The following GPC6 variants were observed in gnomAD, a reference collection of about 807,000 sequenced individuals.
GPC6 encodes glypican-6.
GPC6 carries 14 observed loss-of-function variants against 55.2 expected under a neutral mutation model. The observed-to-expected ratio is 0.25, with a 90% confidence interval of 0.17 to 0.40. The LOEUF (loss-of-function observed/expected upper bound fraction) is 0.40, where lower values mean the gene tolerates loss of function less well. GPC6 is among the 10% of genes least tolerant of loss of function. The pLI, the probability that GPC6 is intolerant of heterozygous loss-of-function variation, is 1.00. For synonymous variants in GPC6, 278 were observed against 259.6 expected (o/e 1.07, Z -0.68); for missense variants, 641 against 708.5 (o/e 0.90, Z 1.08).
chr13:93,905,987 G>T (rs749230948), intron 3 of GPC6, among the ~76,000 whole-genome samples: 3 of 152,180 alleles, frequency 2.0e-5, no homozygotes, highest in Non-Finnish European at 4.4e-5. Flanking sequence ...CTGACTTTGA[G>T]TATCTGTAAC....
chr13:94,014,548 C>T (rs529720569), intron 3 of GPC6, among the ~76,000 whole-genome samples: 4 of 152,210 alleles, frequency 2.6e-5, no homozygotes, highest in African/African-American at 9.6e-5. Flanking sequence ...AAAGTTCACC[C>T]GTTTGTAGAG....
intron 2 of GPC6, among the ~76,000 whole-genome samples, chr13:93,802,875 T>A (rs1432773355): frequency 6.6e-6 from 1 of 152,206 alleles, no homozygotes; most frequent in Non-Finnish European, 1.5e-5. Context: ...TCTGATTTTT[T>A]AATATAAGTT....
chr13:94,259,097 C>A (rs1373186648), intron 4 of GPC6, among the ~76,000 whole-genome samples: 4 of 151,960 alleles, frequency 2.6e-5, no homozygotes, highest in African/African-American at 7.3e-5. Flanking sequence ...ACACTGGAAA[C>A]GGTTCCCAGA....
intron 7 of GPC6, among the ~76,000 whole-genome samples, chr13:94,385,037 C>T (rs1182855677): frequency 1.3e-5 from 2 of 152,016 alleles, no homozygotes; most frequent in Non-Finnish European, 2.9e-5. Flanking sequence ...GTCAGGAGTT[C>T]GAGACCATCC....
At chr13:93,715,996 C>T (rs1359849201) in intron 2 of GPC6, among the ~76,000 whole-genome samples, 1 of 151,456 alleles carries the variant, frequency 6.6e-6, no homozygotes, top group Non-Finnish European at 1.5e-5. Flanking sequence ...AATGGTGGTA[C>T]CATAAGATTA....
chr13:93,761,109 C>A, intron 2 of GPC6, among the ~76,000 whole-genome samples: 1 of 151,970 alleles, frequency 6.6e-6, no homozygotes, highest in Non-Finnish European at 1.5e-5. Flanking sequence ...CTTTTTTTCT[C>A]ATGCCTTTAT....
intron 4 of GPC6, among the ~76,000 whole-genome samples, chr13:94,277,830 G>C (rs886738325): frequency 1.3e-5 from 2 of 152,138 alleles, no homozygotes; most frequent in African/African-American, 4.8e-5. Context: ...TTTCATTACT[G>C]TCACCTTGTA....
Position 94,286,402 on chromosome 13 carries a change from G to A in GPC6, c.931G>A (p.Val311Ile). The A allele has an allele frequency of 6.2e-7, 1 of 1,613,462 alleles. No homozygotes were observed. The highest frequency in any genetic ancestry group is 8.5e-7 in the Non-Finnish European group (1 of 1,179,562). The change falls in exon 5 of 9, where the codon GTC becomes ATC. Residue 311 changes from valine (V) to isoleucine (I), a missense_variant. Transcript: ENST00000377047. Reference sequence around the variant, plus strand: ...GGAGGGGCCATTCAACATTGAGTCGGTCATGGACCCGATAGATGTCAAGAT... The same window carrying A: ...GGAGGGGCCATTCAACATTGAGTCGATCATGGACCCGATAGATGTCAAGAT... The part of the protein sequence containing the change: ...RLEGPFNIES[V>I]MDPIDVKISE...
chr13:93,671,568 G>A (rs1466041029), intron 2 of GPC6, among the ~76,000 whole-genome samples: 1 of 151,968 alleles, frequency 6.6e-6, no homozygotes, highest in Admixed American at 6.6e-5. Context: ...TCACCACCAG[G>A]AAGCCTCTGT....
intron 6 of GPC6, among the ~76,000 whole-genome samples, chr13:94,342,198 A>G (rs1878074670): frequency 6.6e-6 from 1 of 152,224 alleles, no homozygotes; most frequent in South Asian, 2.1e-4. Context: ...TTGGTTATTT[A>G]ATAGAAAGCA....
chr13:93,789,594 ACTAC>A (rs1484982203), intron 2 of GPC6, among the ~76,000 whole-genome samples: 1 of 95,732 alleles, frequency 1.0e-5, no homozygotes, highest in South Asian at 3.5e-4. Flanking sequence ...TATATATAAT[ACTAC>A]ATATATATAT....
intron 1 of GPC6, among the ~76,000 whole-genome samples, chr13:93,453,492 G>A (rs1472389219): frequency 7.1e-6 from 1 of 140,200 alleles, no homozygotes; most frequent in African/African-American, 2.6e-5. Context: ...TATTGTGTCC[G>A]GAATTGGTGG....
At chr13:93,357,516 T>C (rs990861889) in intron 1 of GPC6, among the ~76,000 whole-genome samples, 1 of 152,200 alleles carries the variant, frequency 6.6e-6, no homozygotes, top group African/African-American at 2.4e-5. Flanking sequence ...CACCACATTA[T>C]TCTCTGGGCA....
chr13:93,765,995 C>T (rs939638252), intron 2 of GPC6, among the ~76,000 whole-genome samples: 1 of 152,168 alleles, frequency 6.6e-6, no homozygotes, highest in African/African-American at 2.4e-5. Flanking sequence ...TAAGTTTCAA[C>T]TTTACAGTAG....
intron 4 of GPC6, among the ~76,000 whole-genome samples, chr13:94,049,973 G>T (rs955807566): frequency 8.5e-5 from 13 of 152,140 alleles, no homozygotes; most frequent in African/African-American, 3.1e-4. Flanking sequence ...TTCCCTGTTC[G>T]ATTGGTTCTC....
At chr13:94,372,599 T>C (rs1303884086) in intron 6 of GPC6, among the ~76,000 whole-genome samples, 1 of 151,866 alleles carries the variant, frequency 6.6e-6, no homozygotes, top group South Asian at 2.1e-4. Context: ...AGCACAGCAG[T>C]CTGAGATCAA....
At position 93,931,386 on chromosome 13, in the gene GPC6, C is replaced by T. The variant is rs138882795; in HGVS notation, c.712-96343C>T. ...GGAGCAAAGAGGGAAGGCATGGATT[C>T]GGTTCCAAATAGCATAGTTAGAGGC... On this transcript the variant is annotated intron_variant, in intron 3 of 8. Coordinates refer to ENST00000377047, the MANE Select transcript of GPC6 (RefSeq NM_005708.5). Among the ~76,000 whole-genome samples the T allele has an allele frequency of 3.1e-3, 457 of 146,792 alleles. 3 individuals carry two copies. The highest frequency in any genetic ancestry group is 0.011 in the African/African-American group (441 of 39,540).
At chr13:93,844,184 G>A (rs182929809) in intron 3 of GPC6, among the ~76,000 whole-genome samples, 1 of 152,178 alleles carries the variant, frequency 6.6e-6, no homozygotes, top group East Asian at 1.9e-4. Flanking sequence ...CTGTCACCAG[G>A]CTGGAGTGCA....
At chr13:93,734,391 C>A (rs1883927884) in intron 2 of GPC6, among the ~76,000 whole-genome samples, 1 of 152,054 alleles carries the variant, frequency 6.6e-6, no homozygotes, top group Non-Finnish European at 1.5e-5. Context: ...CATGGTAGAA[C>A]CTGAGCAATC....
Sources: allele counts gnomAD v4.1 joint callset (sites outside exome capture counted in the v4.1 genomes callset), GRCh38; gene constraint gnomAD v4.1.1; transcripts MANE v1.5; gene names NCBI Gene and HGNC (gene_info 2026-07-23, HGNC 2026-07-21).